C1QTNF1: variants seen among roughly 807,000 people sequenced by gnomAD.
C1QTNF1 encodes complement C1q tumor necrosis factor-related protein 1.
Under a neutral mutation model 27.8 loss-of-function variants are expected in C1QTNF1, and 22 were observed. The ratio of observed to expected loss-of-function variants is 0.79; its 90% CI spans 0.56 to 1.13. The LOEUF (loss-of-function observed/expected upper bound fraction) is 1.13. C1QTNF1 is among the 50% of genes most tolerant of loss of function. C1QTNF1 has a pLI of 0.00. For synonymous variants in C1QTNF1, 166 were observed against 154.3 expected, an observed-to-expected ratio of 1.08 and a Z score of -0.56; for missense variants, 373 against 380.2, an observed-to-expected ratio of 0.98 and a Z score of 0.16.
At chr17:79,044,660 C>T (rs950272786) in intron 2 of C1QTNF1, among the ~76,000 whole-genome samples, 3 of 152,154 alleles carry the variant, frequency 2.0e-5, no homozygotes, top group East Asian at 1.9e-4. Flanking sequence ...GGATGGCCTT[C>T]GTGTCTACGA....
intron 1 of C1QTNF1, among the ~76,000 whole-genome samples, chr17:79,042,644 T>C (rs915309359): frequency 1.7e-4 from 26 of 152,234 alleles, no homozygotes; most frequent in African/African-American, 6.3e-4. Context: ...TAAGGGATGA[T>C]GATCATTCAA....
chr17:79,033,598 CGG>C (rs1413957363), intron 1 of C1QTNF1, among the ~76,000 whole-genome samples: 1 of 151,538 alleles, frequency 6.6e-6, no homozygotes, highest in Non-Finnish European at 1.5e-5. Context: ...TCCAGCTACC[CGG>C]GAGGCTGAGA....
chr17:79,039,535 C>G (rs959381857), intron 1 of C1QTNF1, among the ~76,000 whole-genome samples: 1 of 152,172 alleles, frequency 6.6e-6, no homozygotes, highest in Non-Finnish European at 1.5e-5. Flanking sequence ...CGCATATAAT[C>G]TCAGTTACTA....
rs77293754 is a variant in C1QTNF1, at chr17:79,027,914, G to A, written c.-15+3420G>A. ...CACGGGGACCCCCACAGTCCCCACTGTACACCAGGGCACTGCTATCTTGCC... is the reference window on the plus strand; with the variant it reads ...CACGGGGACCCCCACAGTCCCCACTATACACCAGGGCACTGCTATCTTGCC... On this transcript the variant is annotated intron_variant, in intron 1 of 3. Coordinates refer to ENST00000579760, the MANE Select transcript of C1QTNF1 (RefSeq NM_030968.5). 8.1e-3 allele frequency among the ~76,000 whole-genome samples: 1,232 copies of A among 152,346 alleles called. 35 individuals carry two copies. In the East Asian group the frequency reaches 0.1, roughly 13 times the overall value.
intron 1 of C1QTNF1, among the ~76,000 whole-genome samples, chr17:79,025,299 T>C (rs953373947): frequency 3.3e-5 from 5 of 152,036 alleles, no homozygotes; most frequent in Admixed American, 3.3e-4. Flanking sequence ...CGGGCCACAC[T>C]CTTCCAGCCC....
intron 1 of C1QTNF1, 70 bp from the exon 2 acceptor site, chr17:79,043,884 AT>A: frequency 6.4e-7 from 1 of 1,571,804 alleles, no homozygotes; most frequent in African/African-American, 1.3e-5. Flanking sequence ...TCTCTCCCCA[AT>A]TTTCAGGCTG....
chr17:79,028,684 G>A (rs976287349), intron 1 of C1QTNF1, among the ~76,000 whole-genome samples: 3 of 152,184 alleles, frequency 2.0e-5, no homozygotes, highest in African/African-American at 4.8e-5. Context: ...AGATTCCTTT[G>A]CAACTCAGAG....
chr17:79,038,995 AC>A (rs2072331881), intron 1 of C1QTNF1, among the ~76,000 whole-genome samples: 1 of 152,176 alleles, frequency 6.6e-6, no homozygotes, highest in South Asian at 2.1e-4. Flanking sequence ...CCTTGTCCCT[AC>A]CAGCCTGAGC....
chr17:79,026,384 C>T (rs1185940669), intron 1 of C1QTNF1, among the ~76,000 whole-genome samples: 2 of 152,156 alleles, frequency 1.3e-5, no homozygotes, highest in African/African-American at 4.8e-5. Context: ...AAACTCTTGA[C>T]CTCAAGTGAT....
intron 1 of C1QTNF1, among the ~76,000 whole-genome samples, chr17:79,042,232 G>A (rs1241220246): frequency 1.3e-5 from 2 of 152,246 alleles, no homozygotes; most frequent in African/African-American, 4.8e-5. Flanking sequence ...CACCTGAAAC[G>A]GCTGGGCCTG....
rs749559985 is a variant in C1QTNF1 at position 79,034,852 on chromosome 17, A to C, written c.-14-9103A>C. ...GAGAGGAGATAGGCTCCAGGACCCCAGCATCTCTCAGGAAAAGGGGCTGCT... is the reference window on the plus strand; with the variant it reads ...GAGAGGAGATAGGCTCCAGGACCCCCGCATCTCTCAGGAAAAGGGGCTGCT... On this transcript the variant is annotated intron_variant, in intron 1 of 3. Coordinates refer to ENST00000579760, the MANE Select transcript of C1QTNF1 (RefSeq NM_030968.5). Among the ~76,000 whole-genome samples, 64 of 152,212 alleles carry C rather than the reference A, an allele frequency of 4.2e-4. 1 individual carries two copies. The highest frequency in any genetic ancestry group is 1.3e-4 in the Non-Finnish European group (9 of 68,028).
chr17:79,033,955 C>T (rs548681684), intron 1 of C1QTNF1, among the ~76,000 whole-genome samples: 3 of 152,038 alleles, frequency 2.0e-5, no homozygotes, highest in South Asian at 2.1e-4. Context: ...GCAGTCGGGG[C>T]GGGGCCAGCA....
At chr17:79,033,956 G>A (rs61406040) in intron 1 of C1QTNF1, among the ~76,000 whole-genome samples, 1,918 of 152,240 alleles carry the variant, frequency 0.013, 50 homozygotes, top group African/African-American at 0.043. Context: ...CAGTCGGGGC[G>A]GGGCCAGCAG....
chr17:79,039,561 G>T (rs1199877388), intron 1 of C1QTNF1, among the ~76,000 whole-genome samples: 1 of 152,182 alleles, frequency 6.6e-6, no homozygotes, highest in Non-Finnish European at 1.5e-5. Flanking sequence ...ACTGAGGCAG[G>T]AGAATAACTT....
rs1555669938 is a variant in C1QTNF1 at position 79,030,345 on chromosome 17, GTA to G, written c.-15+5853_-15+5854del. ...TGTGTGTGTGTGTGTGTGTGTGTGTGTATGTGTATGTGTGTGCCTGTATGTGC... is the reference window on the plus strand; with the variant it reads ...TGTGTGTGTGTGTGTGTGTGTGTGTGTGTGTATGTGTGTGCCTGTATGTGC... On this transcript the variant is annotated intron_variant, in intron 1 of 3. Coordinates refer to ENST00000579760, the MANE Select transcript of C1QTNF1 (RefSeq NM_030968.5). 1.7e-4 allele frequency among the ~76,000 whole-genome samples: 26 copies of G among 149,896 alleles called. No homozygotes were observed. The East Asian group carries it at 1.9e-3, about 11-fold the overall frequency.
intron 1 of C1QTNF1, among the ~76,000 whole-genome samples, chr17:79,025,291 G>A (rs1028786708): frequency 1.7e-4 from 26 of 152,232 alleles, no homozygotes; most frequent in Middle Eastern, 3.4e-3. Flanking sequence ...CCAATACCCG[G>A]GCCACACTCT....
At chr17:79,042,817 CAG>C (rs923064583) in intron 1 of C1QTNF1, among the ~76,000 whole-genome samples, 2 of 152,190 alleles carry the variant, frequency 1.3e-5, no homozygotes, top group Admixed American at 6.5e-5. Flanking sequence ...GCTCTGGGGG[CAG>C]AGTGTGTGCG....
In C1QTNF1 at chr17:79,048,080, G is replaced by A. The variant is rs200367788; in HGVS notation, c.838G>A (p.Glu280Lys). The change falls in exon 4 of 4, where the codon GAG becomes AAG. Residue 280 changes from glutamate to lysine, a missense_variant. Glu to Lys is a moderately conservative substitution (Grantham distance 56). Transcript: ENST00000579760. ...FSGYLVKHATEP is the reference protein window; with the variant it reads ...FSGYLVKHATKP ...TGGCTACCTGGTCAAGCACGCCACC[G>A]AGCCCTAGCTGGCCGGCCACCTCCT... 5.1e-6 allele frequency: 8 copies of A among 1,557,334 alleles called. No homozygotes were observed. The highest frequency in any genetic ancestry group is 2.3e-5 in the East Asian group (1 of 44,410).
chr17:79,039,783 A>ATGTG lies in C1QTNF1; in HGVS notation c.-14-4160_-14-4157dup, dbSNP rs35243048. Among the ~76,000 whole-genome samples the ATGTG allele has an allele frequency of 4.3e-3, 652 of 151,156 alleles. 6 individuals are homozygous for ATGTG. Among genetic ancestry groups the ATGTG allele is most frequent in the African/African-American group, 0.015 (619 of 41,066 alleles). On this transcript the variant is annotated intron_variant, in intron 1 of 3. Coordinates refer to ENST00000579760, the MANE Select transcript of C1QTNF1 (RefSeq NM_030968.5). ...ACTTTCCAACCTCTCTTAAATAAAT[A>ATGTG]TGTGTGTGTGTGTGTATATATATAT...
Sources: allele counts gnomAD v4.1 joint callset (sites outside exome capture counted in the v4.1 genomes callset), GRCh38; gene constraint gnomAD v4.1.1; transcripts MANE v1.5; gene names NCBI Gene and HGNC (gene_info 2026-07-23, HGNC 2026-07-21).